IST1: variants seen among roughly 807,000 people sequenced by gnomAD.
IST1 encodes the protein IST1 homolog.
In IST1, 23 loss-of-function variants were observed where a neutral mutation model predicts 37.0. That is an observed-to-expected ratio of 0.62 (90% confidence interval 0.45 to 0.88). The LOEUF (loss-of-function observed/expected upper bound fraction) is 0.88. IST1 is among the 40% of genes least tolerant of loss of function. The probability of loss-of-function intolerance (pLI) is 0.00; values close to 1 mark genes in which losing one functional copy is unlikely to be tolerated. For synonymous variants in IST1, 180 were observed against 161.7 expected, an observed-to-expected ratio of 1.11 and a Z score of -0.86; for missense variants, 488 against 445.4, an observed-to-expected ratio of 1.10 and a Z score of -0.86.
At chr16:71,901,092 A>T (rs898052555) in intron 1 of IST1, among the ~76,000 whole-genome samples, 1 of 152,220 alleles carries the variant, frequency 6.6e-6, no homozygotes, top group African/African-American at 2.4e-5. Context: ...ATATTTTATT[A>T]ACTTTTAGGT....
rs1597262887 is a variant in IST1, at chr16:71,928,287, A to C, written c.*474A>C. The C allele has an allele frequency of 6.0e-6, 1 of 165,772 alleles. No individual in the cohort carries two copies. Among genetic ancestry groups the C allele is most frequent in the Non-Finnish European group, 1.3e-5 (1 of 76,374 alleles). 10.3% of individuals were successfully genotyped at this position (165,772 alleles called of 1,614,324 possible). On this transcript the variant is annotated 3_prime_UTR_variant, in exon 10 of 10. Coordinates refer to ENST00000378799, the MANE Select transcript of IST1 (RefSeq NM_001270975.2). ...TCAAGGCCACCTTGTGTGTTTTCTCACTCTCGAATGCAAGTGGGAGAGGGA... is the reference window on the plus strand; with the variant it reads ...TCAAGGCCACCTTGTGTGTTTTCTCCCTCTCGAATGCAAGTGGGAGAGGGA...
chr16:71,909,432 A>G (rs2142548964), intron 1 of IST1, among the ~76,000 whole-genome samples: 1 of 152,234 alleles, frequency 6.6e-6, no homozygotes, highest in East Asian at 1.9e-4. Flanking sequence ...ATGAACACTT[A>G]GCATTCTTCT....
intron 4 of IST1, among the ~76,000 whole-genome samples, chr16:71,919,467 T>C (rs2037532776): frequency 6.6e-6 from 1 of 152,262 alleles, no homozygotes; most frequent in African/African-American, 2.4e-5. Flanking sequence ...CACTGCAGCC[T>C]CGGCTTCCTG....
chr16:71,895,659 C>T (rs1216183768), intron 1 of IST1, 70 bp downstream of exon 1: 37 of 620,068 alleles, frequency 6.0e-5, no homozygotes, highest in Non-Finnish European at 7.1e-5. Flanking sequence ...ATTTAGCGGT[C>T]TCTAGTTAGC....
At position 71,927,862 on chromosome 16, in the gene IST1, A is replaced by T. The variant is rs141885117; in HGVS notation, c.*49A>T. The stretch of plus-strand genomic sequence containing the variant: ...ACGTTTTGGGAGTTGAGACTGAGCA[A>T]TTTCTCCTTGTAACAAAGAATCTCC... On this transcript the variant is annotated 3_prime_UTR_variant, in exon 10 of 10. Coordinates refer to ENST00000378799, the MANE Select transcript of IST1 (RefSeq NM_001270975.2). The T allele has an allele frequency of 1.4e-3, 1,798 of 1,270,406 alleles. 20 individuals are homozygous for T. The African/African-American group carries it at 0.019, about 13-fold the overall frequency. The allele number at this position is 1,270,406 out of a possible 1,614,324, so 78.7% of individuals were successfully genotyped here. A position where few individuals can be genotyped will look rare whatever the true frequency, so the allele number is the denominator to read the frequency against.
At chr16:71,926,264 A>G (rs759049479) in intron 9 of IST1, among the ~76,000 whole-genome samples, 6 of 150,728 alleles carry the variant, frequency 4.0e-5, no homozygotes, top group Admixed American at 6.6e-5. Context: ...CCTGGGCGAC[A>G]GAGTGAGACT....
intron 1 of IST1, among the ~76,000 whole-genome samples, chr16:71,908,793 G>C (rs908544488): frequency 6.6e-6 from 1 of 152,138 alleles, no homozygotes. Context: ...TCAGCCTGCT[G>C]TGCATCCAGG....
chr16:71,908,320 G>T (rs62053760), intron 1 of IST1, among the ~76,000 whole-genome samples: 3 of 15,346 alleles, frequency 2.0e-4, no homozygotes, highest in Admixed American at 6.9e-4. Flanking sequence ...TTTTTTTTTG[G>T]AGACAGTCTT....
intron 6 of IST1, chr16:71,921,750 C>A: frequency 3.3e-6 from 1 of 306,546 alleles, no homozygotes; most frequent in Non-Finnish European, 6.2e-6. Context: ...AAGAAATGCC[C>A]CAAGACCCAA....
intron 8 of IST1, 126 bp from the exon 9 acceptor site, chr16:71,924,643 T>A: frequency 1.4e-6 from 1 of 737,150 alleles, no homozygotes. Context: ...GCAGGGGCAG[T>A]TTCTTTGGAA....
intron 5 of IST1, 80 bp from the exon 6 acceptor site, chr16:71,921,263 G>T: frequency 1.2e-6 from 1 of 823,964 alleles, no homozygotes; most frequent in Non-Finnish European, 2.1e-6. Context: ...TAAAATGAGA[G>T]GAGCTAACTT....
chr16:71,923,171 A>G, intron 7 of IST1, 117 bp from the exon 8 acceptor site: 1 of 532,480 alleles, frequency 1.9e-6, no homozygotes, highest in Non-Finnish European at 3.3e-6. Context: ...GATCTTGAAT[A>G]TTTATATATA....
chr16:71,908,273 G>T (rs892586744), intron 1 of IST1, among the ~76,000 whole-genome samples: 6 of 134,136 alleles, frequency 4.5e-5, no homozygotes, highest in South Asian at 2.7e-4. Flanking sequence ...CCATTCAAGA[G>T]AAATTTCCCT....
At chr16:71,903,641 C>T (rs2037157464) in intron 1 of IST1, 1 of 152,160 alleles carries the variant, frequency 6.6e-6, no homozygotes, top group Non-Finnish European at 1.5e-5. Context: ...TCAAACGATC[C>T]TTCTACCTCA....
chr16:71,901,541 T>C (rs1262664683), intron 1 of IST1, among the ~76,000 whole-genome samples: 1 of 152,192 alleles, frequency 6.6e-6, no homozygotes, highest in Non-Finnish European at 1.5e-5. Flanking sequence ...TCGTTTTTAG[T>C]CTGATTTATT....
At chr16:71,901,941 GA>G (rs1352126658) in intron 1 of IST1, among the ~76,000 whole-genome samples, 1 of 152,052 alleles carries the variant, frequency 6.6e-6, no homozygotes, top group Admixed American at 6.6e-5. Context: ...TAAACCGAGG[GA>G]AAAAGATATA....
chr16:71,914,462 G>A (rs1035144170), intron 1 of IST1, among the ~76,000 whole-genome samples: 1 of 152,058 alleles, frequency 6.6e-6, no homozygotes, highest in African/African-American at 2.4e-5. Context: ...ACCCAGCAAG[G>A]AGTGTACCTT....
intron 1 of IST1, among the ~76,000 whole-genome samples, chr16:71,914,024 T>A (rs2037415248): frequency 6.6e-6 from 1 of 152,054 alleles, no homozygotes; most frequent in Non-Finnish European, 1.5e-5. Flanking sequence ...GTCAGGCTGA[T>A]CTCGAACTCC....
Position 71,918,828 on chromosome 16 carries a change from C to G in IST1, c.357+1694C>G, listed in dbSNP as rs137935853. On this transcript the variant is annotated intron_variant, in intron 4 of 9. Transcript: ENST00000378799. ...TAAATTAATGTGAATAAAAAAATCT[C>G]TGTGTAGTATAAACCAGCCAAAACA... Among the ~76,000 whole-genome samples, 362 of 152,284 alleles carry G rather than the reference C, an allele frequency of 2.4e-3. 2 individuals carry two copies. Among genetic ancestry groups the G allele is most frequent in the South Asian group, 9.5e-3 (46 of 4,822 alleles).
Sources: allele counts gnomAD v4.1 joint callset (sites outside exome capture counted in the v4.1 genomes callset), GRCh38; gene constraint gnomAD v4.1.1; transcripts MANE v1.5; gene names NCBI Gene and HGNC (gene_info 2026-07-23, HGNC 2026-07-21).